The following SLC24A2 variants were observed in gnomAD, a reference collection of about 807,000 sequenced individuals.
SLC24A2 encodes solute carrier family 24 member 2, also known as sodium/potassium/calcium exchanger 2.
Under a neutral mutation model 62.0 loss-of-function variants are expected in SLC24A2, and 36 were observed. The ratio of observed to expected loss-of-function variants is 0.58; its 90% CI spans 0.44 to 0.77. SLC24A2 has a LOEUF of 0.77. Ranked by LOEUF, SLC24A2 falls within the 30% of genes least tolerant of loss-of-function variation. The pLI, the probability that SLC24A2 is intolerant of heterozygous loss-of-function variation, is 0.00. For synonymous variants in SLC24A2, 358 were observed against 294.0 expected, an observed-to-expected ratio of 1.22 and a Z score of -2.23; for missense variants, 846 against 817.9, an observed-to-expected ratio of 1.03 and a Z score of -0.42.
chr9:20,125,187 T>G, the SLC24A2 span, among the ~76,000 whole-genome samples: 4 of 152,164 alleles, frequency 2.6e-5, no homozygotes, highest in African/African-American at 9.7e-5. Context: ...GATTATGTCC[T>G]CATGGAACTT....
the SLC24A2 span, among the ~76,000 whole-genome samples, chr9:20,121,510 C>A: frequency 1.3e-5 from 2 of 152,026 alleles, no homozygotes; most frequent in Non-Finnish European, 2.9e-5. Flanking sequence ...TCCCATCTGC[C>A]AACAAAATTT....
the SLC24A2 span, among the ~76,000 whole-genome samples, chr9:20,123,219 G>T: frequency 6.6e-6 from 1 of 152,126 alleles, no homozygotes; most frequent in Non-Finnish European, 1.5e-5. Flanking sequence ...CTAGCTCTGT[G>T]GGGTCCCTTT....
intron 2 of SLC24A2, among the ~76,000 whole-genome samples, chr9:19,760,717 T>C (rs866501584): frequency 1.4e-4 from 22 of 152,142 alleles, no homozygotes; most frequent in African/African-American, 5.1e-4. Flanking sequence ...TATGGCTGCA[T>C]AGTATTCCAT....
chr9:19,849,424 A>G, the SLC24A2 span, among the ~76,000 whole-genome samples: 2 of 152,316 alleles, frequency 1.3e-5, no homozygotes, highest in South Asian at 2.1e-4. Context: ...TCAATTTAAA[A>G]GTGTAAATGA....
chr9:19,831,645 G>A, the SLC24A2 span, among the ~76,000 whole-genome samples: 27 of 152,090 alleles, frequency 1.8e-4, no homozygotes, highest in Middle Eastern at 0.01. Context: ...TTTCTAATTA[G>A]GAAGACAACA....
At chr9:20,294,980 T>A in the SLC24A2 span, among the ~76,000 whole-genome samples, 3 of 151,482 alleles carry the variant, frequency 2.0e-5, no homozygotes, top group Admixed American at 2.0e-4. Context: ...AATAAATAAA[T>A]AAATAATAAG....
intron 8 of SLC24A2, among the ~76,000 whole-genome samples, chr9:19,542,792 G>C (rs1222575801): frequency 6.6e-6 from 1 of 152,200 alleles, no homozygotes; most frequent in East Asian, 1.9e-4. Flanking sequence ...AAGCCACCTT[G>C]ATGGTGGTGC....
chr9:19,960,572 G>A, the SLC24A2 span, among the ~76,000 whole-genome samples: 1 of 152,150 alleles, frequency 6.6e-6, no homozygotes, highest in Non-Finnish European at 1.5e-5. Flanking sequence ...CCATAAAATG[G>A]GGGTAATAAT....
At chr9:19,829,838 C>T in the SLC24A2 span, among the ~76,000 whole-genome samples, 1 of 127,126 alleles carries the variant, frequency 7.9e-6, no homozygotes, top group Non-Finnish European at 1.7e-5. Context: ...CACACACACA[C>T]ACATATATAG....
the SLC24A2 span, among the ~76,000 whole-genome samples, chr9:20,191,315 T>C: frequency 1.3e-5 from 2 of 152,140 alleles, no homozygotes; most frequent in Non-Finnish European, 2.9e-5. Context: ...GACATAAAAA[T>C]ATCTCAAAGG....
intron 2 of SLC24A2, among the ~76,000 whole-genome samples, chr9:19,739,208 G>T (rs1821601325): frequency 6.6e-6 from 1 of 152,100 alleles, no homozygotes; most frequent in East Asian, 1.9e-4. Context: ...AAACAAAGAA[G>T]TCTAAATCAA....
intron 2 of SLC24A2, among the ~76,000 whole-genome samples, chr9:19,740,462 A>G (rs1821640652): frequency 6.6e-6 from 1 of 152,232 alleles, no homozygotes; most frequent in African/African-American, 2.4e-5. Flanking sequence ...TAGATAAATG[A>G]AGTCAAACCC....
the SLC24A2 span, among the ~76,000 whole-genome samples, chr9:20,092,172 T>C: frequency 6.6e-6 from 1 of 152,204 alleles, no homozygotes; most frequent in Admixed American, 6.6e-5. Flanking sequence ...GATGAAATAA[T>C]CTGTACAACA....
chr9:20,153,766 T>A, the SLC24A2 span, among the ~76,000 whole-genome samples: 2 of 152,104 alleles, frequency 1.3e-5, no homozygotes, highest in African/African-American at 4.8e-5. Flanking sequence ...AAAAAAAGTA[T>A]TGCAGGGCAA....
intron 2 of SLC24A2, among the ~76,000 whole-genome samples, chr9:19,781,445 T>C (rs1330214447): frequency 6.6e-6 from 1 of 152,202 alleles, no homozygotes; most frequent in Non-Finnish European, 1.5e-5. Flanking sequence ...GGTCATCTGT[T>C]GCCAGGGGAA....
rs144667976 is a variant in SLC24A2 at position 19,786,504 on chromosome 9, C to T, written c.363G>A (p.Pro121=). The T allele has an allele frequency of 2.5e-5, 41 of 1,614,044 alleles. No homozygotes were observed. The highest frequency in any genetic ancestry group is 1.6e-4 in the Middle Eastern group (1 of 6,084). The change falls in exon 2 of 11, where the codon CCG becomes CCA. Residue 121 remains proline, a synonymous_variant. Coordinates refer to ENST00000341998, the MANE Select transcript of SLC24A2 (RefSeq NM_020344.4). The surrounding 1 kb of genome is among the most constrained non-coding windows in gnomAD (Gnocchi z 5.0). ...TCTCCTCAAGGGAAAAGATGTCTTT[C>T]GGGTAGTCTCCTTGGGCGTGATCTG... ...NSTDHAQGDY[P]KDIFSLEERR...
intron 8 of SLC24A2, among the ~76,000 whole-genome samples, chr9:19,530,783 C>CT (rs1401007562): frequency 6.6e-6 from 1 of 152,078 alleles, no homozygotes; most frequent in Non-Finnish European, 1.5e-5. Flanking sequence ...ATGAAGAAGG[C>CT]TAAAAATATT....
intron 2 of SLC24A2, among the ~76,000 whole-genome samples, chr9:19,664,566 G>A (rs935197972): frequency 2.0e-5 from 3 of 152,190 alleles, no homozygotes; most frequent in African/African-American, 7.2e-5. Context: ...CAAAAGATAT[G>A]TTGAAGTCCT....
At chr9:19,648,029 GC>G (rs1020164504) in intron 2 of SLC24A2, among the ~76,000 whole-genome samples, 1 of 152,152 alleles carries the variant, frequency 6.6e-6, no homozygotes, top group African/African-American at 2.4e-5. Context: ...GAGCCAACTA[GC>G]CAAGCCAAGA....
Sources: gnomAD v4.1 joint callset for allele counts (sites outside exome capture counted in the v4.1 genomes callset) on GRCh38, gnomAD v4.1.1 for gene constraint, Gnocchi (gnomAD v3.1) non-coding constraint, MANE v1.5 for transcripts, NCBI Gene and HGNC (gene_info 2026-07-23, HGNC 2026-07-21) for gene names.